LRP1B: variants seen among roughly 807,000 people sequenced by gnomAD.
LRP1B encodes the protein low-density lipoprotein receptor-related protein 1B.
A neutral mutation model predicts 556.6 loss-of-function variants in LRP1B; 217 were observed. That is an observed-to-expected ratio of 0.39 (90% CI 0.35 to 0.44). The LOEUF is 0.44. LRP1B is among the 20% of genes least tolerant of loss of function. The pLI is 1.00. For missense variants in LRP1B, 5,053 were observed against 5,620.8 expected (o/e 0.90, Z 3.23); for synonymous variants, 2,047 against 1,865.8 (o/e 1.10, Z -2.50).
chr2:140,748,771 ATAATATGTATATAATATATAT>A (rs1688448808), intron 35 of LRP1B, among the ~76,000 whole-genome samples: 1 of 47,736 alleles, frequency 2.1e-5, no homozygotes, highest in Non-Finnish European at 4.0e-5. Flanking sequence ...ATACATGTAT[ATAATATGTATATAATATATAT>A]TATATACATA....
intron 63 of LRP1B, among the ~76,000 whole-genome samples, chr2:140,447,104 C>A (rs1213290495): frequency 6.6e-6 from 1 of 151,864 alleles, no homozygotes; most frequent in East Asian, 1.9e-4. Context: ...AATAAAACCA[C>A]AATAAGATAT....
intron 81 of LRP1B, among the ~76,000 whole-genome samples, chr2:140,322,849 A>C (rs1240427023): frequency 6.6e-6 from 1 of 151,970 alleles, no homozygotes; most frequent in Non-Finnish European, 1.5e-5. Flanking sequence ...TCAAATGCCT[A>C]TTATATTCAA....
intron 41 of LRP1B, among the ~76,000 whole-genome samples, chr2:140,655,863 T>A (rs921809846): frequency 5.3e-5 from 8 of 151,554 alleles, no homozygotes. Context: ...GAGTGGCCTG[T>A]ACCCGGGAGG....
chr2:140,945,494 A>G (rs1695515848), intron 20 of LRP1B, among the ~76,000 whole-genome samples: 1 of 152,092 alleles, frequency 6.6e-6, no homozygotes, highest in African/African-American at 2.4e-5. Context: ...CAGCATGATA[A>G]TGGTACAAAA....
intron 1 of LRP1B, among the ~76,000 whole-genome samples, chr2:141,985,237 G>A (rs1702152488): frequency 6.6e-6 from 1 of 152,074 alleles, no homozygotes; most frequent in African/African-American, 2.4e-5. Flanking sequence ...AGCATTCTAA[G>A]GTTAATATTT....
At chr2:140,862,111 C>A (rs995259653) in intron 27 of LRP1B, among the ~76,000 whole-genome samples, 5 of 152,152 alleles carry the variant, frequency 3.3e-5, no homozygotes, top group African/African-American at 1.2e-4. Context: ...AAGCTTCCTT[C>A]CTTTTTAGCC....
chr2:141,769,889 T>G (rs1019843998), intron 2 of LRP1B, among the ~76,000 whole-genome samples: 3 of 152,110 alleles, frequency 2.0e-5, no homozygotes, highest in Non-Finnish European at 2.9e-5. Context: ...ATGGCCCAGC[T>G]CTGAAGTTAA....
chr2:141,827,048 C>A (rs352974), intron 1 of LRP1B, among the ~76,000 whole-genome samples: 55,439 of 152,076 alleles, frequency 0.36, 10,248 homozygotes, highest in Middle Eastern at 0.47. Context: ...TGAGACCCAA[C>A]CATCCTTGTG....
chr2:140,785,977 C>G (rs376161872), intron 32 of LRP1B, among the ~76,000 whole-genome samples: 201 of 152,236 alleles, frequency 1.3e-3, no homozygotes, highest in African/African-American at 4.6e-3. Context: ...CTCATCTTCC[C>G]CGTAGAAACT....
chr2:140,401,406 C>T (rs1376742156), intron 66 of LRP1B, among the ~76,000 whole-genome samples: 1 of 152,124 alleles, frequency 6.6e-6, no homozygotes, highest in Non-Finnish European at 1.5e-5. Context: ...TTCCCCATTC[C>T]TTGCGTGAAC....
At chr2:141,158,171 CT>C (rs1171272566) in intron 7 of LRP1B, among the ~76,000 whole-genome samples, 3 of 151,952 alleles carry the variant, frequency 2.0e-5, no homozygotes, top group Non-Finnish European at 4.4e-5. Context: ...ATTTTTTTCT[CT>C]TTTTAACCAG....
intron 1 of LRP1B, among the ~76,000 whole-genome samples, chr2:141,871,259 A>G (rs1257431749): frequency 6.6e-6 from 1 of 151,860 alleles, no homozygotes; most frequent in African/African-American, 2.4e-5. Flanking sequence ...CCTTTATTTA[A>G]TGGAAGAGTG....
In LRP1B at chr2:140,444,647, A is replaced by G; in HGVS notation, c.10090T>C (p.Cys3364Arg). ...EFRCQPGRFQ[C>R]GTGLCALPAF... ...GGTAGAGCACAGAGTCCAGTCCCAC[A>G]CTGAAATCGGCCTGGCTGACATCTA... Residue 3364 changes from cysteine to arginine, a missense_variant, in exon 64 of 91, where the codon TGT (cysteine) becomes CGT (arginine). Physicochemically the swap from Cys to Arg is radical, Grantham distance 180. Transcript: ENST00000389484. The G allele has an allele frequency of 6.2e-7, 1 of 1,613,892 alleles. No individual in the cohort carries two copies. The highest frequency in any genetic ancestry group is 8.5e-7 in the Non-Finnish European group (1 of 1,179,868).
At chr2:141,037,341 T>C (rs916506578) in intron 11 of LRP1B, among the ~76,000 whole-genome samples, 1 of 152,208 alleles carries the variant, frequency 6.6e-6, no homozygotes, top group Middle Eastern at 3.4e-3. Context: ...TTTCTCCAGA[T>C]ATAAATTTTA....
intron 37 of LRP1B, among the ~76,000 whole-genome samples, chr2:140,705,587 T>C (rs948596459): frequency 4.0e-5 from 5 of 126,074 alleles, no homozygotes; most frequent in Admixed American, 7.9e-5. Context: ...AAACAAAATA[T>C]GAAAAAGGTC....
chr2:140,360,748 C>T (rs367757334), intron 72 of LRP1B, among the ~76,000 whole-genome samples: 25 of 151,506 alleles, frequency 1.7e-4, no homozygotes, highest in East Asian at 7.8e-4. Flanking sequence ...TCTAATCTTA[C>T]GTAAGCCACC....
chr2:140,991,054 C>A (rs1267617260), intron 16 of LRP1B, among the ~76,000 whole-genome samples: 1 of 151,600 alleles, frequency 6.6e-6, no homozygotes, highest in Non-Finnish European at 1.5e-5. Context: ...CAAAACAAAA[C>A]AAAAAAATAG....
At chr2:141,712,595 T>C (rs536257044) in intron 2 of LRP1B, among the ~76,000 whole-genome samples, 149 of 152,210 alleles carry the variant, frequency 9.8e-4, no homozygotes, top group African/African-American at 3.5e-3. Context: ...AATCAGACAA[T>C]GTAAAGTCAC....
intron 3 of LRP1B, among the ~76,000 whole-genome samples, chr2:141,453,007 C>G (rs6753893): frequency 0.53 from 81,182 of 151,886 alleles, 21,925 homozygotes; most frequent in East Asian, 0.71. Context: ...AGGCTGAGGT[C>G]GGCAGATCAC....
Sources: gnomAD v4.1 joint callset for allele counts (sites outside exome capture counted in the v4.1 genomes callset) on GRCh38, gnomAD v4.1.1 for gene constraint, MANE v1.5 for transcripts, NCBI Gene and HGNC (gene_info 2026-07-23, HGNC 2026-07-21) for gene names.